Variants in ERC2 observed in about 807,000 individuals in gnomAD.
ERC2 encodes the protein ERC protein 2.
ERC2 carries 42 observed loss-of-function variants against 114.8 expected under a neutral mutation model. The observed-to-expected ratio is 0.37, with a 90% CI of 0.29 to 0.47. ERC2 has a LOEUF of 0.47. Among genes scored for constraint, ERC2 ranks in the 20% least tolerant of loss-of-function variants. The probability of loss-of-function intolerance (pLI) is 0.99; values close to 1 mark genes in which losing one functional copy is unlikely to be tolerated. For missense variants in ERC2, 939 were observed against 1,150.7 expected, an observed-to-expected ratio of 0.82 and a Z score of 2.66; for synonymous variants, 454 against 425.5, an observed-to-expected ratio of 1.07 and a Z score of -0.82.
intron 3 of ERC2, among the ~76,000 whole-genome samples, chr3:56,264,327 T>C (rs1381363468): frequency 6.6e-6 from 1 of 152,192 alleles, no homozygotes; most frequent in Non-Finnish European, 1.5e-5. Flanking sequence ...CTGGGTGTGG[T>C]GGCTCACGCC....
intron 14 of ERC2, among the ~76,000 whole-genome samples, chr3:55,829,114 G>C (rs1010284690): frequency 6.6e-6 from 1 of 152,094 alleles, no homozygotes. Context: ...CTGGGCAACA[G>C]AGCAAGACCC....
intron 15 of ERC2, 24 bp downstream of exon 15, chr3:55,734,747 C>T: frequency 3.8e-6 from 6 of 1,592,484 alleles, no homozygotes; most frequent in East Asian, 2.3e-5. Context: ...CAGAAAAACA[C>T]ACCTGTCTTG....
intron 3 of ERC2, among the ~76,000 whole-genome samples, chr3:56,174,252 T>C (rs528994937): frequency 1.3e-5 from 2 of 152,354 alleles, no homozygotes; most frequent in Admixed American, 1.3e-4. Flanking sequence ...ACTTTTATCT[T>C]GAAGGTCACT....
intron 17 of ERC2, among the ~76,000 whole-genome samples, chr3:55,631,512 C>T (rs1457937877): frequency 6.6e-6 from 1 of 152,192 alleles, no homozygotes; most frequent in Admixed American, 6.5e-5. Context: ...TTTCAAACTC[C>T]TCCTCCAAAA....
chr3:55,620,648 A>G (rs2059290365), intron 17 of ERC2, among the ~76,000 whole-genome samples: 1 of 152,204 alleles, frequency 6.6e-6, no homozygotes, highest in African/African-American at 2.4e-5. Flanking sequence ...TACAAGGCCA[A>G]TAAAATGACA....
intron 17 of ERC2, among the ~76,000 whole-genome samples, chr3:55,532,718 T>G (rs972419797): frequency 6.6e-6 from 1 of 152,252 alleles, no homozygotes; most frequent in African/African-American, 2.4e-5. Flanking sequence ...GCCTGGCCAC[T>G]GGGCCCTAGT....
At chr3:55,995,967 A>G (rs2149533470) in intron 10 of ERC2, among the ~76,000 whole-genome samples, 1 of 152,358 alleles carries the variant, frequency 6.6e-6, no homozygotes, top group Middle Eastern at 3.4e-3. Context: ...TCAAATAACA[A>G]CATGAGTTCT....
intron 2 of ERC2, among the ~76,000 whole-genome samples, chr3:56,320,055 A>G (rs1270300493): frequency 1.3e-5 from 2 of 152,378 alleles, no homozygotes; most frequent in East Asian, 3.9e-4. Context: ...CAATTCATTA[A>G]TCAGGAACCT....
In ERC2 at chr3:55,530,821, C is replaced by T. The variant is rs538458100; in HGVS notation, c.*40-19545G>A. Among the ~76,000 whole-genome samples, 30 of 152,252 alleles carry T rather than the reference C, an allele frequency of 2.0e-4. No homozygotes were observed. In the South Asian group the frequency reaches 6.2e-3, roughly 32 times the overall value. ...AATCCAAGTGTTAAGTGTTACGAAG[C>T]CTAATTATTACAAGCAGCAGTCAGA... On this transcript the variant is annotated intron_variant, in intron 17 of 17. Coordinates refer to ENST00000288221, the MANE Select transcript of ERC2 (RefSeq NM_015576.3).
chr3:55,666,824 G>C (rs1002945099), intron 17 of ERC2, among the ~76,000 whole-genome samples: 1 of 152,066 alleles, frequency 6.6e-6, no homozygotes, highest in Non-Finnish European at 1.5e-5. Flanking sequence ...CTCAATTCCA[G>C]CTCCATCACT....
intron 13 of ERC2, 52 bp from the exon 14 acceptor site, chr3:55,888,601 G>A: frequency 6.3e-7 from 1 of 1,599,512 alleles, no homozygotes; most frequent in South Asian, 1.1e-5. Context: ...TCAAGCACAA[G>A]ACATCCCTTG....
At chr3:55,634,572 A>T (rs548797219) in intron 17 of ERC2, among the ~76,000 whole-genome samples, 1 of 152,256 alleles carries the variant, frequency 6.6e-6, no homozygotes, top group Non-Finnish European at 1.5e-5. Flanking sequence ...AAGCCTAATC[A>T]GTTCATACGA....
At chr3:55,688,957 C>T (rs146744654) in intron 16 of ERC2, among the ~76,000 whole-genome samples, 241 of 152,256 alleles carry the variant, frequency 1.6e-3, no homozygotes, top group African/African-American at 5.6e-3. Flanking sequence ...TCGCACGAGC[C>T]ACATCTCTGG....
At chr3:56,007,658 A>G (rs1300235764) in intron 9 of ERC2, among the ~76,000 whole-genome samples, 1 of 152,128 alleles carries the variant, frequency 6.6e-6, no homozygotes, top group Non-Finnish European at 1.5e-5. Flanking sequence ...TTCCGTTTAC[A>G]TTTATTGCTG....
intron 2 of ERC2, among the ~76,000 whole-genome samples, chr3:56,360,720 C>T (rs1002060839): frequency 6.6e-6 from 1 of 152,056 alleles, no homozygotes; most frequent in Non-Finnish European, 1.5e-5. Flanking sequence ...CCAGCTTGGC[C>T]AACATGGTGA....
At chr3:55,739,032 T>C (rs1427031800) in intron 14 of ERC2, among the ~76,000 whole-genome samples, 3 of 152,194 alleles carry the variant, frequency 2.0e-5, no homozygotes, top group African/African-American at 7.2e-5. Context: ...GTTCTTGTGT[T>C]AGTTTGCTGA....
chr3:56,439,975 T>C (rs1183822002), intron 1 of ERC2, among the ~76,000 whole-genome samples: 1 of 152,238 alleles, frequency 6.6e-6, no homozygotes. Flanking sequence ...TATGGTAAAC[T>C]TTCTAGTTCA....
At chr3:56,291,245 T>C (rs892008512) in intron 3 of ERC2, among the ~76,000 whole-genome samples, 1 of 152,214 alleles carries the variant, frequency 6.6e-6, no homozygotes, top group Non-Finnish European at 1.5e-5. Flanking sequence ...CGTCAAACAA[T>C]GTCTTATCAA....
At chr3:56,323,177 C>T (rs1184019967) in intron 2 of ERC2, among the ~76,000 whole-genome samples, 1 of 152,184 alleles carries the variant, frequency 6.6e-6, no homozygotes, top group Non-Finnish European at 1.5e-5. Flanking sequence ...ATTTCCCAGC[C>T]TCAGGTATTC....
Sources: gnomAD v4.1 joint callset for allele counts (sites outside exome capture counted in the v4.1 genomes callset) on GRCh38, gnomAD v4.1.1 for gene constraint, MANE v1.5 for transcripts, NCBI Gene and HGNC (gene_info 2026-07-23, HGNC 2026-07-21) for gene names.